Variants in KPNA3 observed in about 807,000 individuals in gnomAD.
KPNA3 encodes the protein importin subunit alpha-4.
Under a neutral mutation model 73.8 loss-of-function variants are expected in KPNA3, and 13 were observed. That is an observed-to-expected ratio of 0.18 (90% CI 0.11 to 0.28). KPNA3 has a LOEUF of 0.28. KPNA3 is among the 10% of genes least tolerant of loss of function. KPNA3 has a pLI of 1.00. For missense variants in KPNA3, 360 were observed against 618.1 expected, an observed-to-expected ratio of 0.58 and a Z score of 4.43; for synonymous variants, 186 against 206.9, an observed-to-expected ratio of 0.90 and a Z score of 0.87.
At chr13:49,765,733 A>G (rs1954803030) in intron 1 of KPNA3, among the ~76,000 whole-genome samples, 1 of 152,120 alleles carries the variant, frequency 6.6e-6, no homozygotes, top group South Asian at 2.1e-4. Flanking sequence ...CCATTTATCT[A>G]CTTTTTGTCT....
chr13:49,720,305 C>A (rs1954342960), intron 9 of KPNA3, among the ~76,000 whole-genome samples: 1 of 152,146 alleles, frequency 6.6e-6, no homozygotes, highest in African/African-American at 2.4e-5. Flanking sequence ...AAAATTCGAA[C>A]CAGTACAAAG....
At chr13:49,733,282 GTTT>G (rs760449062) in intron 2 of KPNA3, among the ~76,000 whole-genome samples, 2 of 100,910 alleles carry the variant, frequency 2.0e-5, no homozygotes, top group Admixed American at 1.2e-4. Flanking sequence ...CCACTGTGGT[GTTT>G]TTTTTTTTTT....
rs184926794 is a variant in KPNA3, at chr13:49,719,469, A to T, written c.771+306T>A. ...TGTAAGAACCAGTGAGATTTTTTTT[A>T]AAAAGTAAGGTGTTTCATGAGGTTT... On this transcript the variant is annotated intron_variant, in intron 10 of 16. Transcript: ENST00000261667. Among the ~76,000 whole-genome samples the T allele has an allele frequency of 4.3e-3, 656 of 152,248 alleles. 6 individuals carry two copies. Among genetic ancestry groups the T allele is most frequent in the African/African-American group, 0.015 (621 of 41,552 alleles).
At chr13:49,710,257 A>G (rs894020573) in intron 11 of KPNA3, among the ~76,000 whole-genome samples, 1 of 152,170 alleles carries the variant, frequency 6.6e-6, no homozygotes, top group African/African-American at 2.4e-5. Context: ...ACAAGACTCC[A>G]TCTCAAAAAT....
At chr13:49,739,776 G>C (rs560867447) in intron 2 of KPNA3, among the ~76,000 whole-genome samples, 2 of 152,306 alleles carry the variant, frequency 1.3e-5, no homozygotes, top group South Asian at 4.1e-4. Context: ...GGGGAGGTGA[G>C]CTTGTGCCAG....
intron 7 of KPNA3, among the ~76,000 whole-genome samples, chr13:49,724,901 G>T (rs565123355): frequency 6.6e-6 from 1 of 152,182 alleles, no homozygotes; most frequent in Non-Finnish European, 1.5e-5. Flanking sequence ...GGTCTGGTGA[G>T]AATAGTATTC....
chr13:49,768,673 C>T (rs1325935851), intron 1 of KPNA3, among the ~76,000 whole-genome samples: 1 of 146,914 alleles, frequency 6.8e-6, no homozygotes, highest in African/African-American at 2.5e-5. Flanking sequence ...GGGATCACAA[C>T]TGTGACTTTA....
At chr13:49,727,659 G>T (rs1274288713) in intron 6 of KPNA3, among the ~76,000 whole-genome samples, 2 of 151,920 alleles carry the variant, frequency 1.3e-5, no homozygotes, top group African/African-American at 2.4e-5. Flanking sequence ...AAACTCCATG[G>T]ATTTCAATTT....
chr13:49,732,499 T>C (rs1404027260), intron 5 of KPNA3, 33 bp from the exon 6 acceptor site: 1 of 1,494,978 alleles, frequency 6.7e-7, no homozygotes, highest in African/African-American at 1.4e-5. Context: ...TTAATTGCTA[T>C]AATTTTCAAA....
At chr13:49,738,733 G>C (rs1240214931) in intron 2 of KPNA3, among the ~76,000 whole-genome samples, 1 of 152,212 alleles carries the variant, frequency 6.6e-6, no homozygotes, top group African/African-American at 2.4e-5. Flanking sequence ...CTTTCTGATA[G>C]ATTCCTTGGG....
chr13:49,705,537 TTC>T, intron 15 of KPNA3, 82 bp downstream of exon 15: 1 of 1,337,688 alleles, frequency 7.5e-7, no homozygotes, highest in Non-Finnish European at 1.0e-6. Context: ...CCTAGTAATT[TTC>T]TGTCTAGTAA....
intron 1 of KPNA3, among the ~76,000 whole-genome samples, chr13:49,776,815 G>C (rs1566360369): frequency 6.6e-6 from 1 of 152,040 alleles, no homozygotes; most frequent in Non-Finnish European, 1.5e-5. Flanking sequence ...GACAAAAAAA[G>C]CACCTCAATA....
At chr13:49,731,359 G>C (rs964330539) in intron 6 of KPNA3, among the ~76,000 whole-genome samples, 19 of 151,450 alleles carry the variant, frequency 1.3e-4, no homozygotes, top group African/African-American at 4.6e-4. Context: ...AAAGTGCTGG[G>C]ATTACAGGCG....
intron 1 of KPNA3, among the ~76,000 whole-genome samples, chr13:49,776,724 C>T (rs1419217144): frequency 1.3e-5 from 2 of 152,074 alleles, no homozygotes; most frequent in African/African-American, 4.8e-5. Context: ...TGCTTCTATC[C>T]ATTTCTGATG....
At chr13:49,722,866 A>G (rs1354292777) in intron 7 of KPNA3, among the ~76,000 whole-genome samples, 2 of 145,998 alleles carry the variant, frequency 1.4e-5, no homozygotes. Flanking sequence ...TTCCTACCCC[A>G]AACATGTAAC....
intron 1 of KPNA3, among the ~76,000 whole-genome samples, chr13:49,784,902 A>C (rs1284714198): frequency 1.3e-5 from 2 of 152,186 alleles, no homozygotes; most frequent in Non-Finnish European, 2.9e-5. Context: ...TCTAATTAAA[A>C]TACATTATCA....
intron 1 of KPNA3, among the ~76,000 whole-genome samples, chr13:49,769,894 C>T (rs868016087): frequency 1.3e-5 from 2 of 152,148 alleles, no homozygotes; most frequent in Non-Finnish European, 2.9e-5. Context: ...TCTACTTATC[C>T]TTCCCAATGC....
chr13:49,740,889 G>C (rs1320130929), intron 2 of KPNA3, among the ~76,000 whole-genome samples: 2 of 152,064 alleles, frequency 1.3e-5, no homozygotes, highest in Non-Finnish European at 2.9e-5. Context: ...GCATAAGTGA[G>C]AGCATGTGAT....
chr13:49,737,883 T>C lies in KPNA3; in HGVS notation c.115-4837A>G, dbSNP rs1211993395. Among the ~76,000 whole-genome samples the C allele has an allele frequency of 2.0e-5, 3 of 152,232 alleles. No homozygotes were observed. The East Asian group carries it at 5.8e-4, about 29-fold the overall frequency. The stretch of plus-strand genomic sequence containing the variant: ...CAATATCTAACTTGTCTTTTCTATC[T>C]TTTCATATGGGCTCTCACACAGCAA... On this transcript the variant is annotated intron_variant, in intron 2 of 16. Coordinates refer to ENST00000261667, the MANE Select transcript of KPNA3 (RefSeq NM_002267.4).
Sources: allele counts gnomAD v4.1 joint callset (sites outside exome capture counted in the v4.1 genomes callset), GRCh38; gene constraint gnomAD v4.1.1; transcripts MANE v1.5; gene names NCBI Gene and HGNC (gene_info 2026-07-23, HGNC 2026-07-21).